AGBL4: variants seen among roughly 807,000 people sequenced by gnomAD.
AGBL4 encodes the protein AGBL carboxypeptidase 4.
A neutral mutation model predicts 66.4 loss-of-function variants in AGBL4; 58 were observed. The observed-to-expected ratio is 0.87, with a 90% confidence interval of 0.71 to 1.09. The LOEUF (loss-of-function observed/expected upper bound fraction) is 1.09. AGBL4 is among the 50% of genes least tolerant of loss of function. AGBL4 has a pLI of 0.00. For missense variants in AGBL4, 579 were observed against 631.0 expected (o/e 0.92, Z 0.88); for synonymous variants, 234 against 222.9 (o/e 1.05, Z -0.44).
chr1:48,788,024 A>C (rs1372677893), intron 6 of AGBL4, among the ~76,000 whole-genome samples: 1 of 152,264 alleles, frequency 6.6e-6, no homozygotes, highest in Non-Finnish European at 1.5e-5. Context: ...CAATATGAAA[A>C]GTGAAAAGTG....
intron 8 of AGBL4, among the ~76,000 whole-genome samples, chr1:48,650,029 C>T (rs1645901600): frequency 6.6e-6 from 1 of 152,238 alleles, no homozygotes; most frequent in Non-Finnish European, 1.5e-5. Context: ...ACCTTTACTC[C>T]TTCCAAGCTC....
At chr1:49,276,838 G>T (rs1302255217) in intron 3 of AGBL4, among the ~76,000 whole-genome samples, 1 of 152,092 alleles carries the variant, frequency 6.6e-6, no homozygotes, top group Non-Finnish European at 1.5e-5. Flanking sequence ...GGGGGTTGGG[G>T]TAATCATTCT....
At chr1:48,893,928 C>T (rs1043495286) in intron 5 of AGBL4, among the ~76,000 whole-genome samples, 2 of 152,082 alleles carry the variant, frequency 1.3e-5, no homozygotes, top group African/African-American at 4.8e-5. Context: ...GCAGCCTGGA[C>T]TGACTAAGAA....
chr1:49,710,106 T>C (rs1171715427), intron 2 of AGBL4, among the ~76,000 whole-genome samples: 1 of 152,146 alleles, frequency 6.6e-6, no homozygotes, highest in Admixed American at 6.5e-5. Context: ...ACCAAAAGGA[T>C]TATAAATAAT....
intron 9 of AGBL4, among the ~76,000 whole-genome samples, chr1:48,623,397 T>C (rs74714373): frequency 0.033 from 5,074 of 152,280 alleles, 226 homozygotes; most frequent in African/African-American, 0.097. Flanking sequence ...AGTTGGGAGA[T>C]GGGCATTAGG....
chr1:49,520,524 T>C (rs1241606994), intron 3 of AGBL4, among the ~76,000 whole-genome samples: 1 of 152,066 alleles, frequency 6.6e-6, no homozygotes, highest in Non-Finnish European at 1.5e-5. Flanking sequence ...AATAAGGCCC[T>C]ACCTGTTGCT....
chr1:49,047,130 G>A (rs112723362), intron 4 of AGBL4, among the ~76,000 whole-genome samples: 1,859 of 152,248 alleles, frequency 0.012, 37 homozygotes, highest in African/African-American at 0.043. Context: ...CAGGGTGGGA[G>A]GTGTGGCTGT....
At position 49,639,267 on chromosome 1, in the gene AGBL4, T is replaced by C. The variant is rs1645735267; in HGVS notation, c.282+58046A>G. Among the ~76,000 whole-genome samples the C allele has an allele frequency of 2.0e-5, 3 of 152,112 alleles. No individual in the cohort carries two copies. The South Asian group carries it at 6.2e-4, about 32-fold the overall frequency. ...TCTAACACACACCCTGCTATCAAAATTGGAAGACAATATAAACTTGGAAAG... is the reference window on the plus strand; with the variant it reads ...TCTAACACACACCCTGCTATCAAAACTGGAAGACAATATAAACTTGGAAAG... On this transcript the variant is annotated intron_variant, in intron 3 of 13. Transcript: ENST00000371839.
rs546740716 is a variant in AGBL4 at position 49,568,315 on chromosome 1, A to G, written c.282+128998T>C. Among the ~76,000 whole-genome samples, 295 of 152,278 alleles carry G rather than the reference A, an allele frequency of 1.9e-3. 10 individuals are homozygous for G. The South Asian group carries it at 0.06, about 31-fold the overall frequency. The stretch of plus-strand genomic sequence containing the variant: ...CTCAGGATACAAAATTAATGTAAAA[A>G]ATGACAAGCATTCTTATACACCAAT... On this transcript the variant is annotated intron_variant, in intron 3 of 13. Coordinates refer to ENST00000371839, the MANE Select transcript of AGBL4 (RefSeq NM_032785.4).
At chr1:48,940,380 A>G (rs1655865630) in intron 5 of AGBL4, among the ~76,000 whole-genome samples, 1 of 152,154 alleles carries the variant, frequency 6.6e-6, no homozygotes, top group South Asian at 2.1e-4. Context: ...CTCCATCTCA[A>G]GAAAAAAAAA....
chr1:49,395,534 G>C (rs1204059730), intron 3 of AGBL4, among the ~76,000 whole-genome samples: 1 of 78,552 alleles, frequency 1.3e-5, no homozygotes, highest in Non-Finnish European at 2.2e-5. Context: ...CCAAACACTA[G>C]TGTGTGTGTG....
intron 4 of AGBL4, among the ~76,000 whole-genome samples, chr1:49,086,266 C>T (rs1644905711): frequency 6.6e-6 from 1 of 152,178 alleles, no homozygotes; most frequent in Admixed American, 6.5e-5. Context: ...CAACCTTGCC[C>T]ATTCCCATTG....
At chr1:49,859,928 C>T (rs1005476751) in intron 1 of AGBL4, among the ~76,000 whole-genome samples, 1 of 152,042 alleles carries the variant, frequency 6.6e-6, no homozygotes, top group African/African-American at 2.4e-5. Flanking sequence ...TCAATCATAT[C>T]TCTATATAAT....
intron 4 of AGBL4, among the ~76,000 whole-genome samples, chr1:49,052,946 A>G (rs919299663): frequency 2.0e-5 from 3 of 152,190 alleles, no homozygotes; most frequent in African/African-American, 7.2e-5. Context: ...GATTTCCATT[A>G]TTATTAATCA....
chr1:49,770,169 A>G (rs894525025), intron 2 of AGBL4, among the ~76,000 whole-genome samples: 3 of 152,178 alleles, frequency 2.0e-5, no homozygotes, highest in Admixed American at 6.5e-5. Flanking sequence ...CCCCATCTGT[A>G]TGGCCGTTAT....
intron 3 of AGBL4, among the ~76,000 whole-genome samples, chr1:49,267,321 C>T (rs1446361430): frequency 6.6e-6 from 1 of 152,128 alleles, no homozygotes; most frequent in Non-Finnish European, 1.5e-5. Context: ...TTTGTAACTG[C>T]AAAGTAGGTA....
intron 3 of AGBL4, among the ~76,000 whole-genome samples, chr1:49,623,711 T>C (rs973932997): frequency 3.9e-5 from 6 of 152,316 alleles, no homozygotes; most frequent in Admixed American, 3.3e-4. Flanking sequence ...GAGAATGCAA[T>C]TGTTTATATG....
intron 2 of AGBL4, among the ~76,000 whole-genome samples, chr1:49,837,440 G>A (rs896643398): frequency 6.6e-6 from 1 of 152,104 alleles, no homozygotes; most frequent in African/African-American, 2.4e-5. Context: ...TTAAAAACTG[G>A]TCATGAACAC....
At chr1:48,580,464 C>G (rs1644723018) in intron 11 of AGBL4, among the ~76,000 whole-genome samples, 1 of 152,210 alleles carries the variant, frequency 6.6e-6, no homozygotes, top group Non-Finnish European at 1.5e-5. Flanking sequence ...CCCTTGGTCA[C>G]ATGAGCAGCC....
Sources: allele counts gnomAD v4.1 joint callset (sites outside exome capture counted in the v4.1 genomes callset), GRCh38; gene constraint gnomAD v4.1.1; transcripts MANE v1.5; gene names NCBI Gene and HGNC (gene_info 2026-07-23, HGNC 2026-07-21).